The following KLK3 variants were observed in gnomAD, a reference collection of about 807,000 sequenced individuals.
KLK3 encodes kallikrein related peptidase 3.
In KLK3, 23 loss-of-function variants were observed where a neutral mutation model predicts 27.7. That is an observed-to-expected ratio of 0.83 (90% CI 0.60 to 1.17). The LOEUF is 1.17. KLK3 is among the 50% of genes most tolerant of loss of function. KLK3 has a pLI of 0.00. For synonymous variants in KLK3, 142 were observed against 134.2 expected (o/e 1.06, Z -0.40); for missense variants, 322 against 338.1 (o/e 0.95, Z 0.37).
intron 4 of KLK3, chr19:50,858,809 C>T (rs576655636): frequency 5.5e-5 from 34 of 618,412 alleles, no homozygotes; most frequent in South Asian, 4.8e-4. Context: ...TCTGTTCCTG[C>T]GTTCAGCACA....
chr19:50,856,231 C>G lies in KLK3; in HGVS notation c.47-9C>G, dbSNP rs368709777. The G allele has an allele frequency of 6.2e-6, 10 of 1,609,908 alleles. No individual in the cohort carries two copies. Among genetic ancestry groups the G allele is most frequent in the East Asian group, 4.5e-5 (2 of 44,844 alleles). ...CCCTGATTCCCCTGATCTAGCACCCCCTCTGCAGGTGCTGCACCCCTCATC... is the reference window on the plus strand; with the variant it reads ...CCCTGATTCCCCTGATCTAGCACCCGCTCTGCAGGTGCTGCACCCCTCATC... On this transcript the variant is annotated splice_polypyrimidine_tract_variant and intron_variant, in intron 1 of 4. Transcript: ENST00000326003.
At chr19:50,859,388 G>T in intron 4 of KLK3, 1 of 623,376 alleles carries the variant, frequency 1.6e-6, no homozygotes. Flanking sequence ...AGGGAGGGCA[G>T]CAGGGATGTG....
chr19:50,858,733 C>G (rs1275138946), intron 4 of KLK3, 138 bp downstream of exon 4: 4 of 875,228 alleles, frequency 4.6e-6, no homozygotes, highest in Non-Finnish European at 7.1e-6. Flanking sequence ...CGTGTCTCAT[C>G]TCATTCCCTC....
chr19:50,856,018 A>G (rs1055409969), intron 1 of KLK3: 7 of 540,918 alleles, frequency 1.3e-5, no homozygotes, highest in Non-Finnish European at 2.0e-5. Context: ...CTCCCAGAGC[A>G]TGAAGCCTCT....
At chr19:50,855,053 G>C (rs1215987806) in intron 1 of KLK3, 52 bp downstream of exon 1, 1 of 1,585,894 alleles carries the variant, frequency 6.3e-7, no homozygotes, top group Non-Finnish European at 8.7e-7. Context: ...AGCCCTGACT[G>C]TCAAGCTGAG....
chr19:50,860,401 T>TTTTTTTA lies in KLK3; in HGVS notation c.*274_*275insTTTTTTA. 1 of 343,648 alleles carries TTTTTTTA rather than the reference T, an allele frequency of 2.9e-6. No homozygotes were observed. The highest frequency in any genetic ancestry group is 5.4e-6 in the Non-Finnish European group (1 of 186,288). 21.3% of individuals were successfully genotyped at this position (343,648 alleles called of 1,614,324 possible). On this transcript the variant is annotated 3_prime_UTR_variant, in exon 5 of 5. Coordinates refer to ENST00000326003, the MANE Select transcript of KLK3 (RefSeq NM_001648.2). ...TAGGATGGGGTGTCTGTGTTATTTG[T>TTTTTTTA]GGGGTACAGAGATGAAAGAGGGGTG... is the stretch of plus-strand genomic sequence containing the variant.
rs2090167292 is a variant in KLK3, at chr19:50,858,996, G to C, written c.630+401G>C. 2.4e-5 allele frequency: 8 copies of C among 332,380 alleles called. No individual in the cohort carries two copies. In the South Asian group the frequency reaches 7.2e-4, roughly 30 times the overall value. 20.6% of individuals were successfully genotyped at this position (332,380 alleles called of 1,614,324 possible). On this transcript the variant is annotated intron_variant, in intron 4 of 4. Coordinates refer to ENST00000326003, the MANE Select transcript of KLK3 (RefSeq NM_001648.2). Reference sequence around the variant, plus strand: ...GTGTCAGGAGGTGATCAGGCTCTCGGGGAGGGAGAAGGGGTGGGGAGTGTG... The same window carrying C: ...GTGTCAGGAGGTGATCAGGCTCTCGCGGAGGGAGAAGGGGTGGGGAGTGTG...
rs554607562 is a variant in KLK3 at position 50,858,011 on chromosome 19, C to T, written c.207-18C>T. 5.8e-5 allele frequency: 92 copies of T among 1,592,910 alleles called. No homozygotes were observed. In the South Asian group the frequency reaches 8.2e-4, roughly 14 times the overall value. ...TTATCATCCTCGCTCCTCATTCCTG[C>T]GTCTGCTTCCTCCCCAGCAAAAGCG... On this transcript the variant is annotated intron_variant, in intron 2 of 4. Coordinates refer to ENST00000326003, the MANE Select transcript of KLK3 (RefSeq NM_001648.2).
At chr19:50,857,095 G>T (rs3180017) in intron 2 of KLK3, among the ~76,000 whole-genome samples, 62,562 of 148,068 alleles carry the variant, frequency 0.42, 14,270 homozygotes, top group East Asian at 0.5. Flanking sequence ...CCTGGGAGGT[G>T]GAGGTTGCAG....
At position 50,858,405 on chromosome 19, in the gene KLK3, G is replaced by A. The variant is rs2090162869; in HGVS notation, c.494-54G>A. Reference sequence around the variant, plus strand: ...GGACTCCTAGGTCTGAGGGAGGAGGGCCAAGGAACCAGGTGGGGTCCAGCC... The same window carrying A: ...GGACTCCTAGGTCTGAGGGAGGAGGACCAAGGAACCAGGTGGGGTCCAGCC... On this transcript the variant is annotated intron_variant, in intron 3 of 4. Coordinates refer to ENST00000326003, the MANE Select transcript of KLK3 (RefSeq NM_001648.2). 7.4e-6 allele frequency: 12 copies of A among 1,611,064 alleles called. No individual in the cohort carries two copies. In the South Asian group the frequency reaches 1.2e-4, roughly 16 times the overall value.
chr19:50,858,044 G>C lies in KLK3; in HGVS notation c.222G>C (p.Leu74Phe), dbSNP rs150517791. ...AHCIRNKSVI[L>F]LGRHSLFHPE... ...TCCTCCCCAGCAAAAGCGTGATCTT[G>C]CTGGGTCGGCACAGCCTGTTTCATC... Residue 74 changes from leucine (L) to phenylalanine (F), a missense_variant, in exon 3 of 5, where the codon TTG becomes TTC. Transcript: ENST00000326003. 27 of 1,610,976 alleles carry C rather than the reference G, an allele frequency of 1.7e-5. No homozygotes were observed. The African/African-American group carries it at 2.7e-4, about 16-fold the overall frequency.
Position 50,858,204 on chromosome 19 carries a change from G to A in KLK3, c.382G>A (p.Glu128Lys). The A allele has an allele frequency of 6.2e-7, 1 of 1,614,220 alleles. No homozygotes were observed. Among genetic ancestry groups the A allele is most frequent in the Non-Finnish European group, 8.5e-7 (1 of 1,180,058 alleles). The change falls in exon 3 of 5, where the codon GAG (glutamate) becomes AAG (lysine). Residue 128 changes from glutamate (E) to lysine (K), a missense_variant. Transcript: ENST00000326003. ...CGACCTCATGCTGCTCCGCCTGTCA[G>A]AGCCTGCCGAGCTCACGGATGCTGT... ...SHDLMLLRLS[E>K]PAELTDAVKV...
chr19:50,859,975 G>A lies in KLK3; in HGVS notation c.634G>A (p.Asp212Asn), dbSNP rs151298874. 2 of 1,612,084 alleles carry A rather than the reference G, an allele frequency of 1.2e-6. No individual in the cohort carries two copies. The highest frequency in any genetic ancestry group is 1.3e-5 in the African/African-American group (1 of 74,918). Residue 212 changes from aspartate (D) to asparagine (N), a missense_variant, in exon 5 of 5, where the codon GAT (aspartate) becomes AAT (asparagine). By Grantham distance (23) the Asp-to-Asn change is conservative. Transcript: ENST00000326003. ...WTGGKSTCSG[D>N]SGGPLVCNGV... ...CTCTCCCTGCTTTTACCCTTAGGGT[G>A]ATTCTGGGGGCCCACTTGTCTGTAA...
rs2090161477 is a variant in KLK3 at position 50,858,211 on chromosome 19, C to A, written c.389C>A (p.Ala130Asp). ...DLMLLRLSEP[A>D]ELTDAVKVMD... ...ATGCTGCTCCGCCTGTCAGAGCCTG[C>A]CGAGCTCACGGATGCTGTGAAGGTC... is the stretch of plus-strand genomic sequence containing the variant. The change falls in exon 3 of 5, where the codon GCC (alanine) becomes GAC (aspartate). Residue 130 changes from alanine (A) to aspartate (D), a missense_variant. By Grantham distance (126) the Ala-to-Asp change is moderately radical. Coordinates refer to ENST00000326003, the MANE Select transcript of KLK3 (RefSeq NM_001648.2). 1 of 1,614,074 alleles carries A rather than the reference C, an allele frequency of 6.2e-7. No homozygotes were observed. The highest frequency in any genetic ancestry group is 1.7e-5 in the Admixed American group (1 of 60,010).
intron 4 of KLK3, chr19:50,859,623 A>G: frequency 6.2e-7 from 1 of 1,613,040 alleles, no homozygotes; most frequent in Non-Finnish European, 8.5e-7. Flanking sequence ...CTAGTCAGAG[A>G]GTAGTCCTGG....
chr19:50,858,544 C>A lies in KLK3; in HGVS notation c.579C>A (p.Thr193=). 6.2e-7 allele frequency: 1 copy of A among 1,614,186 alleles called. No homozygotes were observed. Among genetic ancestry groups the A allele is most frequent in the African/African-American group, 1.3e-5 (1 of 75,034 alleles). ...VCAQVHPQKV[T]KFMLCAGRWT... is the part of the protein sequence containing the mutation. ...CGCAAGTTCACCCTCAGAAGGTGACCAAGTTCATGCTGTGTGCTGGACGCT... is the reference window on the plus strand; with the variant it reads ...CGCAAGTTCACCCTCAGAAGGTGACAAAGTTCATGCTGTGTGCTGGACGCT... The change falls in exon 4 of 5, where the codon ACC becomes ACA. Residue 193 remains threonine, a synonymous_variant. Transcript: ENST00000326003.
chr19:50,856,201 G>C, intron 1 of KLK3, 39 bp from the exon 2 acceptor site: 1 of 1,584,460 alleles, frequency 6.3e-7, no homozygotes, highest in Non-Finnish European at 8.6e-7. Context: ...AGTTCCTCCT[G>C]TCAACCCTGA....
chr19:50,859,898 G>A, intron 4 of KLK3, 74 bp from the exon 5 acceptor site: 6 of 1,542,612 alleles, frequency 3.9e-6, no homozygotes, highest in Admixed American at 1.9e-5. Flanking sequence ...TGCCTGTCCA[G>A]GTCTGAAAGA....
Position 50,860,150 on chromosome 19 carries a change from G to T in KLK3, c.*23G>T, listed in dbSNP as rs762778769. The T allele has an allele frequency of 1.3e-6, 2 of 1,567,062 alleles. No homozygotes were observed. Among genetic ancestry groups the T allele is most frequent in the Non-Finnish European group, 1.8e-6 (2 of 1,140,202 alleles). The stretch of plus-strand genomic sequence containing the variant: ...TGAGCACCCCTATCAACCCCCTATT[G>T]TAGTAAACTTGGAACCTTGGAAATG... On this transcript the variant is annotated 3_prime_UTR_variant, in exon 5 of 5. Transcript: ENST00000326003.
Sources: gnomAD v4.1 joint callset for allele counts (sites outside exome capture counted in the v4.1 genomes callset) on GRCh38, gnomAD v4.1.1 for gene constraint, MANE v1.5 for transcripts, NCBI Gene and HGNC (gene_info 2026-07-23, HGNC 2026-07-21) for gene names.